Variants in NRXN3 observed in about 807,000 individuals in gnomAD.
The protein encoded by NRXN3 is neurexin III.
NRXN3 carries 32 observed loss-of-function variants against 137.6 expected under a neutral mutation model. The observed-to-expected ratio is 0.23, with a 90% CI of 0.18 to 0.31. NRXN3 has a LOEUF of 0.31. Ranked by LOEUF, NRXN3 falls within the 10% of genes least tolerant of loss-of-function variation. NRXN3 has a pLI of 1.00. For missense variants in NRXN3, 1,574 were observed against 2,062.5 expected, an observed-to-expected ratio of 0.76 and a Z score of 4.59; for synonymous variants, 798 against 784.5, an observed-to-expected ratio of 1.02 and a Z score of -0.29.
At chr14:79,014,170 G>A (rs1399642900) in intron 15 of NRXN3, among the ~76,000 whole-genome samples, 1 of 152,116 alleles carries the variant, frequency 6.6e-6, no homozygotes, top group Non-Finnish European at 1.5e-5. Context: ...GGTAAATTGC[G>A]TGTCACAGGG....
intron 2 of NRXN3, among the ~76,000 whole-genome samples, chr14:78,250,437 C>T (rs1450827243): frequency 1.3e-5 from 2 of 152,220 alleles, no homozygotes; most frequent in African/African-American, 2.4e-5. Flanking sequence ...CCCCTACCTC[C>T]ACCAGTTTCC....
intron 19 of NRXN3, among the ~76,000 whole-genome samples, chr14:79,797,969 G>A (rs768983566): frequency 2.0e-5 from 3 of 151,860 alleles, no homozygotes; most frequent in Admixed American, 6.6e-5. Context: ...GTGTGGTGGC[G>A]TGTACCTATA....
At chr14:78,642,210 G>A (rs953202446) in intron 4 of NRXN3, among the ~76,000 whole-genome samples, 2 of 152,142 alleles carry the variant, frequency 1.3e-5, no homozygotes, top group African/African-American at 4.8e-5. Context: ...GACCAGACAT[G>A]CCCCAAGCCC....
intron 19 of NRXN3, among the ~76,000 whole-genome samples, chr14:79,727,712 A>C (rs1399553392): frequency 6.6e-6 from 1 of 151,870 alleles, no homozygotes; most frequent in Non-Finnish European, 1.5e-5. Context: ...AATGACCCTT[A>C]TTTTTTTGTT....
intron 10 of NRXN3, among the ~76,000 whole-genome samples, chr14:78,914,603 T>C (rs182464279): frequency 7.9e-5 from 12 of 152,078 alleles, no homozygotes; most frequent in Admixed American, 6.5e-4. Context: ...AAGCAGAAAG[T>C]ATAATGGAGC....
chr14:78,319,894 C>G (rs1297902674), intron 4 of NRXN3, among the ~76,000 whole-genome samples: 2 of 152,204 alleles, frequency 1.3e-5, no homozygotes, highest in Admixed American at 6.5e-5. Context: ...ATCTGACTGT[C>G]TAACAAAGCA....
intron 10 of NRXN3, among the ~76,000 whole-genome samples, chr14:78,914,716 T>C (rs1269597169): frequency 2.0e-5 from 3 of 152,142 alleles, no homozygotes; most frequent in Non-Finnish European, 4.4e-5. Flanking sequence ...AGATCCTGAA[T>C]TGTCCTGTAG....
At chr14:79,387,083 A>G (rs1239508816) in intron 15 of NRXN3, among the ~76,000 whole-genome samples, 7 of 152,102 alleles carry the variant, frequency 4.6e-5, no homozygotes, top group Non-Finnish European at 1.0e-4. Flanking sequence ...AATGGCAACA[A>G]AAGACAAAAT....
intron 10 of NRXN3, among the ~76,000 whole-genome samples, chr14:78,923,564 A>G (rs2099276876): frequency 6.6e-6 from 1 of 152,202 alleles, no homozygotes; most frequent in South Asian, 2.1e-4. Context: ...CAAAGATGCC[A>G]TTCTCTAATC....
At position 79,861,066 on chromosome 14, in the gene NRXN3, T is replaced by C. The variant is rs1603620567; in HGVS notation, c.4094-276T>C. The C allele has an allele frequency of 7.0e-7, 1 of 1,423,564 alleles. No homozygotes were observed. The highest frequency in any genetic ancestry group is 9.2e-7 in the Non-Finnish European group (1 of 1,091,468). 88.2% of individuals were successfully genotyped at this position (1,423,564 alleles called of 1,614,324 possible). A position where few individuals can be genotyped will look rare whatever the true frequency, so the allele number is the denominator to read the frequency against. On this transcript the variant is annotated intron_variant, in intron 20 of 20. Transcript: ENST00000335750. The surrounding 1 kb of genome is among the most constrained non-coding windows in gnomAD (Gnocchi z 5.4). ...GGTGAATTAGTTATCCCTCTTCTTG[T>C]AGAAGACCCTTTAGCTACCCCTCCT... is the stretch of plus-strand genomic sequence containing the variant.
rs752227398 is a variant in NRXN3 at position 78,810,361 on chromosome 14, G to A, written c.2275+17G>A. The stretch of plus-strand genomic sequence containing the variant: ...GTAACTCCAGTAAGTTTTCCCTCAA[G>A]TTTCATTTTGTTCTTTAAAAAAAAA... On this transcript the variant is annotated intron_variant, in intron 10 of 20. Transcript: ENST00000335750. The A allele has an allele frequency of 3.5e-6, 4 of 1,143,740 alleles. No homozygotes were observed. Among genetic ancestry groups the A allele is most frequent in the Non-Finnish European group, 4.7e-6 (4 of 844,762 alleles). 70.8% of individuals were successfully genotyped at this position (1,143,740 alleles called of 1,614,324 possible).
At chr14:79,677,591 G>C (rs930217249) in intron 17 of NRXN3, among the ~76,000 whole-genome samples, 9 of 152,128 alleles carry the variant, frequency 5.9e-5, no homozygotes, top group African/African-American at 1.9e-4. Flanking sequence ...AGCTCTCCTA[G>C]AGGAGGCAAA....
chr14:79,436,087 A>G (rs2095842211), intron 15 of NRXN3, among the ~76,000 whole-genome samples: 1 of 152,130 alleles, frequency 6.6e-6, no homozygotes, highest in Non-Finnish European at 1.5e-5. Context: ...CTATGACATT[A>G]CCCATAGAGG....
chr14:79,138,558 T>C (rs1451190907), intron 15 of NRXN3, among the ~76,000 whole-genome samples: 1 of 152,234 alleles, frequency 6.6e-6, no homozygotes, highest in Non-Finnish European at 1.5e-5. Context: ...TGTGAAACTT[T>C]GTAGGCTAAT....
intron 16 of NRXN3, among the ~76,000 whole-genome samples, chr14:79,609,817 G>T (rs2098076084): frequency 6.6e-6 from 1 of 152,014 alleles, no homozygotes; most frequent in African/African-American, 2.4e-5. Context: ...GAGATTTTTT[G>T]AACTGAATTT....
intron 20 of NRXN3, among the ~76,000 whole-genome samples, chr14:79,829,775 C>G (rs1324382752): frequency 1.3e-5 from 2 of 151,994 alleles, no homozygotes; most frequent in Non-Finnish European, 2.9e-5. Flanking sequence ...ACAACATCAT[C>G]TATACATCCA....
At chr14:78,668,525 G>A (rs888307022) in intron 6 of NRXN3, among the ~76,000 whole-genome samples, 28 of 152,304 alleles carry the variant, frequency 1.8e-4, no homozygotes, top group Middle Eastern at 6.8e-3. Context: ...TTGGAGGGGA[G>A]TAAAGGGATA....
At chr14:79,220,691 G>T (rs1190631444) in intron 15 of NRXN3, among the ~76,000 whole-genome samples, 2 of 151,980 alleles carry the variant, frequency 1.3e-5, no homozygotes, top group African/African-American at 4.8e-5. Flanking sequence ...TAGCTTTTCA[G>T]ATTGGCTTCT....
intron 15 of NRXN3, among the ~76,000 whole-genome samples, chr14:79,068,583 C>CT (rs1394184030): frequency 6.6e-6 from 1 of 152,098 alleles, no homozygotes; most frequent in African/African-American, 2.4e-5. Flanking sequence ...AAAGTCTCCA[C>CT]TTGTCACTTG....
Sources: gnomAD v4.1 joint callset for allele counts (sites outside exome capture counted in the v4.1 genomes callset) on GRCh38, gnomAD v4.1.1 for gene constraint, Gnocchi (gnomAD v3.1) non-coding constraint, MANE v1.5 for transcripts, NCBI Gene and HGNC (gene_info 2026-07-23, HGNC 2026-07-21) for gene names.